DAW1: variants seen among roughly 807,000 people sequenced by gnomAD.
The protein encoded by DAW1 is dynein assembly factor with WD repeat domains 1.
In DAW1, 47 loss-of-function variants were observed where a neutral mutation model predicts 56.5. The observed-to-expected ratio is 0.83, with a 90% CI of 0.66 to 1.06. DAW1 has a LOEUF of 1.06. DAW1 is among the 50% of genes least tolerant of loss of function. DAW1 has a pLI of 0.00. For synonymous variants in DAW1, 190 were observed against 179.0 expected (o/e 1.06, Z -0.49); for missense variants, 505 against 499.3 (o/e 1.01, Z -0.11).
chr2:227,909,790 T>C (rs1223572221), intron 10 of DAW1, among the ~76,000 whole-genome samples: 7 of 152,160 alleles, frequency 4.6e-5, no homozygotes, highest in Non-Finnish European at 1.0e-4. Flanking sequence ...CCACCTTTTG[T>C]TGTATCTGGG....
chr2:227,872,698 C>A (rs917728159), intron 1 of DAW1, among the ~76,000 whole-genome samples: 1 of 143,640 alleles, frequency 7.0e-6, no homozygotes, highest in Non-Finnish European at 1.5e-5. Flanking sequence ...CCCACCCCCC[C>A]AACCCCCGGC....
intron 5 of DAW1, among the ~76,000 whole-genome samples, chr2:227,895,231 C>A (rs1691379107): frequency 6.6e-6 from 1 of 152,184 alleles, no homozygotes; most frequent in Non-Finnish European, 1.5e-5. Context: ...ATGGTGAACT[C>A]CACTTAGCTG....
intron 12 of DAW1, among the ~76,000 whole-genome samples, chr2:227,921,831 G>T (rs1692118196): frequency 1.3e-5 from 2 of 152,162 alleles, no homozygotes; most frequent in Non-Finnish European, 2.9e-5. Context: ...TGCCTTACAG[G>T]TTACTAAATT....
chr2:227,871,955 G>A (rs937853818), intron 1 of DAW1, among the ~76,000 whole-genome samples: 4 of 152,228 alleles, frequency 2.6e-5, no homozygotes, highest in African/African-American at 9.6e-5. Context: ...TAGCTTGACT[G>A]TGCATGTCAG....
intron 12 of DAW1, among the ~76,000 whole-genome samples, chr2:227,923,423 T>C (rs1448100849): frequency 1.3e-5 from 2 of 152,188 alleles, no homozygotes; most frequent in African/African-American, 4.8e-5. Flanking sequence ...CCTAAGGCAC[T>C]CACACTTCTT....
intron 1 of DAW1, among the ~76,000 whole-genome samples, chr2:227,881,465 G>A (rs1293698689): frequency 1.3e-5 from 2 of 152,170 alleles, no homozygotes; most frequent in African/African-American, 4.8e-5. Context: ...CTTCAAAGAT[G>A]TTACAATCTC....
At chr2:227,902,102 A>G (rs1347157919) in intron 6 of DAW1, among the ~76,000 whole-genome samples, 2 of 152,152 alleles carry the variant, frequency 1.3e-5, no homozygotes, top group African/African-American at 2.4e-5. Context: ...GAGAATGTAT[A>G]GAGCCAGAAG....
chr2:227,911,281 T>TATATATAC (rs1691817368), intron 10 of DAW1, among the ~76,000 whole-genome samples: 1 of 118,928 alleles, frequency 8.4e-6, no homozygotes, highest in African/African-American at 3.1e-5. Flanking sequence ...TATACACGTG[T>TATATATAC]ATATATACAT....
chr2:227,892,137 A>ATTTT (rs202082179), intron 4 of DAW1, among the ~76,000 whole-genome samples: 18,496 of 147,280 alleles, frequency 0.13, 1,849 homozygotes, highest in African/African-American at 0.28. Context: ...TAACTTAATA[A>ATTTT]TTTTTTTTTT....
intron 5 of DAW1, among the ~76,000 whole-genome samples, chr2:227,896,569 C>A (rs1459823105): frequency 6.7e-6 from 1 of 150,174 alleles, no homozygotes; most frequent in East Asian, 2.0e-4. Context: ...ATAAATTCAA[C>A]ACAATCACCA....
intron 4 of DAW1, among the ~76,000 whole-genome samples, chr2:227,893,134 T>G (rs776393813): frequency 1.1e-4 from 16 of 150,386 alleles, no homozygotes; most frequent in Non-Finnish European, 8.9e-5. Context: ...TAGACAGGCA[T>G]GGTGGCGCAC....
Position 227,904,948 on chromosome 2 carries a change from TCTC to T in DAW1, c.671_673del (p.Ser224del). 2.5e-6 allele frequency: 4 copies of T among 1,613,388 alleles called. No individual in the cohort carries two copies. The highest frequency in any genetic ancestry group is 3.4e-6 in the Non-Finnish European group (4 of 1,179,556). On this transcript the variant is annotated inframe_deletion, in exon 8 of 13. Coordinates refer to ENST00000309931, the MANE Select transcript of DAW1 (RefSeq NM_178821.3). ...TTCTAGGGACATTCTGCCGAAATCATCTCCTTGTCATTTAACACCTCAGGAGAC... is the reference window on the plus strand; with the variant it reads ...TTCTAGGGACATTCTGCCGAAATCATCTTGTCATTTAACACCTCAGGAGAC...
Position 227,891,295 on chromosome 2 carries a change from T to C in DAW1, c.299T>C (p.Leu100Pro). Reference sequence around the variant, plus strand: ...ATATTGCCACTGACTAATGTTGCACTTAACAAATCGGGCTCATGGTAAGAT... The same window carrying C: ...ATATTGCCACTGACTAATGTTGCACCTAACAAATCGGGCTCATGGTAAGAT... ...AHILPLTNVA[L>P]NKSGSCFITG... Residue 100 changes from leucine to proline, a missense_variant, in exon 4 of 13, where the codon CTT becomes CCT. By Grantham distance (98) the Leu-to-Pro change is moderately conservative. Transcript: ENST00000309931. 1 of 1,613,574 alleles carries C rather than the reference T, an allele frequency of 6.2e-7. No individual in the cohort carries two copies. The highest frequency in any genetic ancestry group is 1.3e-5 in the African/African-American group (1 of 75,056).
At chr2:227,876,203 G>A (rs1690878470) in intron 1 of DAW1, among the ~76,000 whole-genome samples, 1 of 152,110 alleles carries the variant, frequency 6.6e-6, no homozygotes, top group Admixed American at 6.6e-5. Context: ...TGTATTTTTA[G>A]TAGAGACGGG....
At chr2:227,873,121 G>A (rs545222988) in intron 1 of DAW1, among the ~76,000 whole-genome samples, 3 of 152,170 alleles carry the variant, frequency 2.0e-5, no homozygotes, top group East Asian at 1.9e-4. Context: ...TCACTCATTC[G>A]TTTTTTGGAC....
chr2:227,890,764 T>A (rs1715840), intron 3 of DAW1, among the ~76,000 whole-genome samples: 28,516 of 152,202 alleles, frequency 0.19, 2,913 homozygotes, highest in Middle Eastern at 0.29. Flanking sequence ...ACATTTTTGA[T>A]GGTGAAAGTA....
chr2:227,876,270 T>C (rs1460867485), intron 1 of DAW1, among the ~76,000 whole-genome samples: 1 of 152,260 alleles, frequency 6.6e-6, no homozygotes, highest in African/African-American at 2.4e-5. Context: ...TCCACCCGCC[T>C]TGGCCTCCCA....
rs60074089 is a variant in DAW1 at position 227,918,171 on chromosome 2, T to TCATCCATCCATCCATC, written c.974-573_974-558dup. Among the ~76,000 whole-genome samples the TCATCCATCCATCCATC allele has an allele frequency of 1.5e-3, 192 of 124,192 alleles. 1 individual carries two copies. Among genetic ancestry groups the TCATCCATCCATCCATC allele is most frequent in the Non-Finnish European group, 2.5e-3 (143 of 57,178 alleles). The allele number at this position is 124,192 out of a possible 152,430, so 81.5% of individuals were successfully genotyped here. ...ATCCATCCATCCATCCATCCATCCA[T>TCATCCATCCATCCATC]CATCCATCCATCCATCCATCCATCC... On this transcript the variant is annotated intron_variant, in intron 10 of 12. Coordinates refer to ENST00000309931, the MANE Select transcript of DAW1 (RefSeq NM_178821.3).
At chr2:227,884,362 T>C (rs1389933513) in intron 1 of DAW1, among the ~76,000 whole-genome samples, 1 of 152,140 alleles carries the variant, frequency 6.6e-6, no homozygotes, top group African/African-American at 2.4e-5. Context: ...TTGTCCTTGG[T>C]ATAATAGGTG....
Sources: allele counts gnomAD v4.1 joint callset (sites outside exome capture counted in the v4.1 genomes callset), GRCh38; gene constraint gnomAD v4.1.1; transcripts MANE v1.5; gene names NCBI Gene and HGNC (gene_info 2026-07-23, HGNC 2026-07-21).